Variants in RNF150 observed in about 807,000 individuals in gnomAD.
RNF150 encodes ring finger protein 150.
In RNF150, 24 loss-of-function variants were observed where a neutral mutation model predicts 39.3. The observed-to-expected ratio is 0.61, with a 90% CI of 0.44 to 0.86. RNF150 has a LOEUF of 0.86. Ranked by LOEUF, RNF150 falls within the 40% of genes least tolerant of loss-of-function variation. The pLI is 0.00. For synonymous variants in RNF150, 255 were observed against 227.3 expected, an observed-to-expected ratio of 1.12 and a Z score of -1.10; for missense variants, 502 against 587.8, an observed-to-expected ratio of 0.85 and a Z score of 1.51.
chr4:141,185,578 T>C (rs1442725558), intron 1 of RNF150, among the ~76,000 whole-genome samples: 3 of 152,116 alleles, frequency 2.0e-5, no homozygotes, highest in Non-Finnish European at 2.9e-5. Context: ...TTAATAGGAG[T>C]GGTGAGAGAG....
At chr4:140,915,811 G>A (rs1281629703) in intron 5 of RNF150, among the ~76,000 whole-genome samples, 1 of 152,168 alleles carries the variant, frequency 6.6e-6, no homozygotes, top group African/African-American at 2.4e-5. Context: ...GGGGCGGACT[G>A]ACACCTCACA....
intron 1 of RNF150, among the ~76,000 whole-genome samples, chr4:141,044,366 T>A (rs145044402): frequency 1.3e-5 from 2 of 152,218 alleles, no homozygotes; most frequent in Non-Finnish European, 2.9e-5. Flanking sequence ...AGATGAGCAC[T>A]GTTCAAATTC....
chr4:140,886,206 A>AG (rs1729570633), intron 6 of RNF150, among the ~76,000 whole-genome samples: 1 of 151,776 alleles, frequency 6.6e-6, no homozygotes, highest in African/African-American at 2.4e-5. Flanking sequence ...AAAAAAAAAA[A>AG]AAAAAGAAAA....
At chr4:141,128,338 A>G (rs1726805047) in intron 1 of RNF150, among the ~76,000 whole-genome samples, 2 of 152,230 alleles carry the variant, frequency 1.3e-5, no homozygotes, top group Non-Finnish European at 2.9e-5. Context: ...GAGGAAACCC[A>G]AGACCTGGGA....
chr4:141,158,462 C>CA (rs5862513), intron 1 of RNF150, among the ~76,000 whole-genome samples: 47 of 142,694 alleles, frequency 3.3e-4, no homozygotes, highest in African/African-American at 1.0e-3. Flanking sequence ...GTCACTCTTT[C>CA]AAAAAAAAAA....
chr4:140,944,601 A>G (rs1732213888), intron 4 of RNF150: 2 of 152,242 alleles, frequency 1.3e-5, no homozygotes, highest in South Asian at 4.1e-4. Flanking sequence ...GAAAGAGACA[A>G]GCGATAAAAT....
At chr4:141,151,071 C>T (rs1727288637) in intron 1 of RNF150, among the ~76,000 whole-genome samples, 1 of 151,952 alleles carries the variant, frequency 6.6e-6, no homozygotes, top group Non-Finnish European at 1.5e-5. Context: ...TCTCAAGCAG[C>T]TGGGACTAGA....
chr4:140,914,158 A>G (rs1730724398), intron 5 of RNF150, among the ~76,000 whole-genome samples: 1 of 152,234 alleles, frequency 6.6e-6, no homozygotes, highest in African/African-American at 2.4e-5. Context: ...TAGTAGGAAT[A>G]GTGCTGTATC....
intron 1 of RNF150, among the ~76,000 whole-genome samples, chr4:141,156,679 A>C (rs1306114557): frequency 6.7e-6 from 1 of 149,548 alleles, no homozygotes; most frequent in East Asian, 2.0e-4. Flanking sequence ...AGATCGCCTG[A>C]GATCAGGAGT....
intron 1 of RNF150, among the ~76,000 whole-genome samples, chr4:141,148,320 T>C (rs545276549): frequency 1.3e-5 from 2 of 152,326 alleles, no homozygotes; most frequent in African/African-American, 4.8e-5. Context: ...TGCTTCCCTT[T>C]AAAAAGAAAA....
intron 6 of RNF150, among the ~76,000 whole-genome samples, chr4:140,888,112 T>C (rs1729642133): frequency 6.6e-6 from 1 of 152,216 alleles, no homozygotes; most frequent in Admixed American, 6.5e-5. Flanking sequence ...TTTAGAAGAA[T>C]CTCTGGTTGC....
chr4:140,967,886 G>A lies in RNF150; in HGVS notation c.485-13C>T. On this transcript the variant is annotated splice_polypyrimidine_tract_variant and intron_variant, in intron 1 of 6. Transcript: ENST00000515673. Reference sequence around the variant, plus strand: ...ATGTCTTCTACACCTGTGGTAAGAGGGGAAGGAAGGGGCAATAAAGGTTAG... The same window carrying A: ...ATGTCTTCTACACCTGTGGTAAGAGAGGAAGGAAGGGGCAATAAAGGTTAG... 2 of 1,611,152 alleles carry A rather than the reference G, an allele frequency of 1.2e-6. No homozygotes were observed. Among genetic ancestry groups the A allele is most frequent in the Non-Finnish European group, 1.7e-6 (2 of 1,177,744 alleles).
chr4:140,899,974 C>CTCTG (rs1365683071), intron 6 of RNF150, among the ~76,000 whole-genome samples: 14 of 69,220 alleles, frequency 2.0e-4, no homozygotes, highest in African/African-American at 3.4e-4. Flanking sequence ...CTCTCTCTCT[C>CTCTG]TGTGTGTGTG....
rs1560679460 is a variant in RNF150 at position 141,000,065 on chromosome 4, GAAGAAGAAGAAGAAGAAGA to G, written c.485-32211_485-32193del. On this transcript the variant is annotated intron_variant, in intron 1 of 6. Transcript: ENST00000515673. ...AGAAGAAGAAGAAGAAGAAGAAGAA[GAAGAAGAAGAAGAAGAAGA>G]AGGAGAAGAAGAAGAAGAAGAAGAG... Among the ~76,000 whole-genome samples, 32 of 100,684 alleles carry G rather than the reference GAAGAAGAAGAAGAAGAAGA, an allele frequency of 3.2e-4. 6 individuals carry two copies. Among genetic ancestry groups the G allele is most frequent in the African/African-American group, 1.1e-3 (29 of 26,514 alleles). The allele number at this position is 100,684 out of a possible 152,430, so 66.1% of individuals were successfully genotyped here. A position where few individuals can be genotyped will look rare whatever the true frequency, so the allele number is the denominator to read the frequency against.
In RNF150 at chr4:140,868,339, G is replaced by A. The variant is rs772875941; in HGVS notation, c.1239C>T (p.Ser413=). The part of the protein sequence containing the change: ...EPAVSSDSDI[S]LIMAMEVGLS... ...GTCCAACCTCCATTGCCATGATCAA[G>A]GAAATGTCAGAATCACTGCTTACAG... Residue 413 remains serine, a synonymous_variant, in exon 7 of 7, where the codon TCC becomes TCT. Transcript: ENST00000515673. 9.9e-6 allele frequency: 16 copies of A among 1,613,496 alleles called. No individual in the cohort carries two copies. Among genetic ancestry groups the A allele is most frequent in the Non-Finnish European group, 1.3e-5 (15 of 1,179,440 alleles).
intron 4 of RNF150, among the ~76,000 whole-genome samples, chr4:140,935,094 T>C (rs1213520934): frequency 7.5e-6 from 1 of 134,130 alleles, no homozygotes; most frequent in Non-Finnish European, 1.5e-5. Flanking sequence ...ATATAATAAA[T>C]ATATATATAA....
intron 1 of RNF150, among the ~76,000 whole-genome samples, chr4:141,206,418 T>G (rs1236220659): frequency 2.3e-5 from 1 of 43,460 alleles, no homozygotes; most frequent in Non-Finnish European, 4.2e-5. Flanking sequence ...AGACTCAATC[T>G]CAAAAAAAAA....
At position 141,019,078 on chromosome 4, in the gene RNF150, A is replaced by G. The variant is rs929362984; in HGVS notation, c.485-51205T>C. On this transcript the variant is annotated intron_variant, in intron 1 of 6. Coordinates refer to ENST00000515673, the MANE Select transcript of RNF150 (RefSeq NM_020724.2). ...TATATATATATATATATATATATATATATGGAACTTTACACAAAAGAATGT... is the reference window on the plus strand; with the variant it reads ...TATATATATATATATATATATATATGTATGGAACTTTACACAAAAGAATGT... Among the ~76,000 whole-genome samples the G allele has an allele frequency of 6.3e-4, 73 of 115,850 alleles. 4 individuals are homozygous for G. The highest frequency in any genetic ancestry group is 1.8e-3 in the South Asian group (6 of 3,426). The allele number at this position is 115,850 out of a possible 152,430, so 76.0% of individuals were successfully genotyped here. A position where few individuals can be genotyped will look rare whatever the true frequency, so the allele number is the denominator to read the frequency against.
chr4:141,058,886 G>C (rs1039076758), intron 1 of RNF150, among the ~76,000 whole-genome samples: 1 of 152,150 alleles, frequency 6.6e-6, no homozygotes, highest in African/African-American at 2.4e-5. Context: ...GTGCAACAGA[G>C]TTGACACATG....
Sources: gnomAD v4.1 joint callset for allele counts (sites outside exome capture counted in the v4.1 genomes callset) on GRCh38, gnomAD v4.1.1 for gene constraint, MANE v1.5 for transcripts, NCBI Gene and HGNC (gene_info 2026-07-23, HGNC 2026-07-21) for gene names.